The following PPFIA3 variants were observed in gnomAD, a reference collection of about 807,000 sequenced individuals.
PPFIA3 encodes PPFI scaffold protein A3, also known as liprin-alpha-3.
PPFIA3 carries 26 observed loss-of-function variants against 145.8 expected under a neutral mutation model. The ratio of observed to expected loss-of-function variants is 0.18; its 90% CI spans 0.13 to 0.25. The LOEUF (loss-of-function observed/expected upper bound fraction) is 0.25, where lower values mean the gene tolerates loss of function less well. Ranked by LOEUF, PPFIA3 falls within the 10% of genes least tolerant of loss-of-function variation. The pLI, the probability that PPFIA3 is intolerant of heterozygous loss-of-function variation, is 1.00. For missense variants in PPFIA3, 1,008 were observed against 1,587.8 expected (o/e 0.63, Z 6.21); for synonymous variants, 645 against 661.4 (o/e 0.98, Z 0.38).
intron 5 of PPFIA3, among the ~76,000 whole-genome samples, chr19:49,129,751 C>T (rs994346451): frequency 3.3e-5 from 5 of 152,102 alleles, no homozygotes; most frequent in African/African-American, 4.8e-5. Context: ...GGGGCTAAAG[C>T]GGAAACTTTG....
rs770870764 is a variant in PPFIA3 at position 49,138,311 on chromosome 19, T to G, written c.1960T>G (p.Ser654Ala). Residue 654 changes from serine to alanine, a missense_variant, in exon 16 of 30, where the codon TCC becomes GCC. Physicochemically the swap from Ser to Ala is moderately conservative, Grantham distance 99 (BLOSUM62 1). This residue lies in a region of PPFIA3 where 202 missense variants were observed against 241.8 expected (regional missense o/e 0.84). Coordinates refer to ENST00000334186, the MANE Select transcript of PPFIA3 (RefSeq NM_003660.4). ...DSLGRYRSSC[S>A]LPPSLTTSTL... is the part of the protein sequence containing the mutation. Reference sequence around the variant, plus strand: ...GTTGGGCCGCTACCGCAGCAGCTGCTCCCTGCCCCCCTCCCTCACCACCTC... The same window carrying G: ...GTTGGGCCGCTACCGCAGCAGCTGCGCCCTGCCCCCCTCCCTCACCACCTC... 1 of 1,612,966 alleles carries G rather than the reference T, an allele frequency of 6.2e-7. No individual in the cohort carries two copies. Among genetic ancestry groups the G allele is most frequent in the Non-Finnish European group, 8.5e-7 (1 of 1,179,594 alleles).
At chr19:49,126,560 CTTTTTT>C (rs762895281) in intron 1 of PPFIA3, among the ~76,000 whole-genome samples, 11 of 118,820 alleles carry the variant, frequency 9.3e-5, no homozygotes, top group Non-Finnish European at 1.5e-4. Flanking sequence ...CCTGGCCTTG[CTTTTTT>C]TTTTTTTTTT....
In PPFIA3 at chr19:49,150,325, G is replaced by A; in HGVS notation, c.*103G>A. ...GGCCTCGCCGGGGAGAGCGGGCGGG[G>A]GAGCTCGCGCCGAGGACTGGACCAT... On this transcript the variant is annotated 3_prime_UTR_variant, in exon 30 of 30. Coordinates refer to ENST00000334186, the MANE Select transcript of PPFIA3 (RefSeq NM_003660.4). 1 of 665,052 alleles carries A rather than the reference G, an allele frequency of 1.5e-6. No homozygotes were observed. Among genetic ancestry groups the A allele is most frequent in the Non-Finnish European group, 2.5e-6 (1 of 399,856 alleles). 41.2% of individuals were successfully genotyped at this position (665,052 alleles called of 1,614,324 possible).
chr19:49,134,196 G>T, intron 11 of PPFIA3, 31 bp downstream of exon 11: 1 of 1,562,812 alleles, frequency 6.4e-7, no homozygotes, highest in South Asian at 1.2e-5. Context: ...TGCGGGACGC[G>T]GAATTCCGGG....
At chr19:49,127,383 T>TAAAAAA (rs34030131) in intron 1 of PPFIA3, among the ~76,000 whole-genome samples, 2 of 28,598 alleles carry the variant, frequency 7.0e-5, no homozygotes, top group Admixed American at 4.6e-4. Flanking sequence ...TCACTCCAGC[T>TAAAAAA]AAAAAAAAAA....
At chr19:49,121,786 TTTTATTTATTTA>T (rs577943380) in intron 1 of PPFIA3, among the ~76,000 whole-genome samples, 1 of 151,576 alleles carries the variant, frequency 6.6e-6, no homozygotes, top group Non-Finnish European at 1.5e-5. Flanking sequence ...CAAAAAAAAA[TTTTATTTATTTA>T]TTTATTTATT....
chr19:49,141,085 G>C (rs1412880903), intron 18 of PPFIA3, among the ~76,000 whole-genome samples: 1 of 152,164 alleles, frequency 6.6e-6, no homozygotes, highest in African/African-American at 2.4e-5. Context: ...CACACTGGTA[G>C]CTTGAAATTG....
rs368414645 is a variant in PPFIA3 at position 49,138,197 on chromosome 19, C to A, written c.1854-8C>A. The stretch of plus-strand genomic sequence containing the variant: ...CCCTCACCCAGTTTCCCCTATTTCC[C>A]TCCTCAGGCTGATCCAAGAGGAGAA... On this transcript the variant is annotated splice_region_variant and splice_polypyrimidine_tract_variant and intron_variant, in intron 15 of 29. Coordinates refer to ENST00000334186, the MANE Select transcript of PPFIA3 (RefSeq NM_003660.4). 7 of 1,569,480 alleles carry A rather than the reference C, an allele frequency of 4.5e-6. No individual in the cohort carries two copies. In the African/African-American group the frequency reaches 6.8e-5, roughly 15 times the overall value.
intron 7 of PPFIA3, among the ~76,000 whole-genome samples, chr19:49,131,438 GC>G (rs2041071586): frequency 1.3e-5 from 2 of 149,544 alleles, no homozygotes; most frequent in Non-Finnish European, 3.0e-5. Flanking sequence ...GCTCGCCTCG[GC>G]CCAAAGTGCT....
At position 49,146,052 on chromosome 19, in the gene PPFIA3, T is replaced by TGGG. The variant is rs748429516; in HGVS notation, c.2808+50_2808+52dup. On this transcript the variant is annotated intron_variant, in intron 22 of 29. Coordinates refer to ENST00000334186, the MANE Select transcript of PPFIA3 (RefSeq NM_003660.4). ...CCTTGGGGGTGGCACTAACCTTCTT[T>TGGG]GGGGGTGGGGGCGGGGACCGAGTCT... is the stretch of plus-strand genomic sequence containing the variant. The TGGG allele has an allele frequency of 3.8e-6, 6 of 1,586,272 alleles. No individual in the cohort carries two copies. In the African/African-American group the frequency reaches 8.3e-5, roughly 22 times the overall value.
At chr19:49,129,606 C>T in intron 5 of PPFIA3, 152 bp downstream of exon 5, 1 of 812,482 alleles carries the variant, frequency 1.2e-6, no homozygotes, top group South Asian at 1.7e-5. Context: ...GGAGAGAAAC[C>T]AGTGGGGTTC....
In PPFIA3 at chr19:49,137,116, C is replaced by A. The variant is rs546618736; in HGVS notation, c.1853+205C>A. The A allele has an allele frequency of 3.2e-4, 143 of 443,374 alleles. 1 individual carries two copies. The highest frequency in any genetic ancestry group is 2.7e-3 in the African/African-American group (138 of 50,412). The allele number at this position is 443,374 out of a possible 1,614,324, so 27.5% of individuals were successfully genotyped here. ...TATGTGCTACCTACACATATACCCC[C>A]CAGCCAGTACTCACCATTCCCCAAC... On this transcript the variant is annotated intron_variant, in intron 15 of 29. Coordinates refer to ENST00000334186, the MANE Select transcript of PPFIA3 (RefSeq NM_003660.4).
chr19:49,127,596 T>TAAA (rs200973890), intron 1 of PPFIA3, among the ~76,000 whole-genome samples: 2 of 148,370 alleles, frequency 1.3e-5, no homozygotes, highest in South Asian at 4.3e-4. Context: ...GAGACCCTGT[T>TAAA]AAAAAAAAAT....
Position 49,133,650 on chromosome 19 carries a change from G to T in PPFIA3, c.1162-146G>T. The stretch of plus-strand genomic sequence containing the variant: ...CAGGTCCTGAAAAAGTGGACTAGGC[G>T]CAGGGGCGGGGCCTGACTCAAAGGT... On this transcript the variant is annotated intron_variant, in intron 9 of 29. Transcript: ENST00000334186. The surrounding 1 kb of genome is among the most constrained non-coding windows in gnomAD (Gnocchi z 7.2). The T allele has an allele frequency of 1.1e-6, 1 of 949,280 alleles. No homozygotes were observed. Among genetic ancestry groups the T allele is most frequent in the East Asian group, 2.6e-5 (1 of 38,254 alleles). The allele number at this position is 949,280 out of a possible 1,614,324, so 58.8% of individuals were successfully genotyped here. A position where few individuals can be genotyped will look rare whatever the true frequency, so the allele number is the denominator to read the frequency against.
In PPFIA3 at chr19:49,120,074, G is replaced by T. The variant is rs2040916551; in HGVS notation, c.-16+352G>T. On this transcript the variant is annotated intron_variant, in intron 1 of 29. Transcript: ENST00000334186. This position sits in a 1 kb window ranked among gnomAD's most constrained non-coding sequence, Gnocchi z 4.6. ...GGTGCCAGACTCCCCAGACGCGTCC[G>T]CATCGTCCCCGCTTCGCGCACTCCG... Among the ~76,000 whole-genome samples, 1 of 151,976 alleles carries T rather than the reference G, an allele frequency of 6.6e-6. No individual in the cohort carries two copies. Among genetic ancestry groups the T allele is most frequent in the Non-Finnish European group, 1.5e-5 (1 of 67,962 alleles).
chr19:49,141,623 T>G, intron 19 of PPFIA3, 110 bp downstream of exon 19: 1 of 760,682 alleles, frequency 1.3e-6, no homozygotes, highest in Non-Finnish European at 2.1e-6. Flanking sequence ...TGTGAGAGGG[T>G]GTGTGAGTGT....
At chr19:49,138,080 G>A (rs185567914) in intron 15 of PPFIA3, 125 bp from the exon 16 acceptor site, 18 of 1,386,552 alleles carry the variant, frequency 1.3e-5, no homozygotes, top group Middle Eastern at 2.6e-4. Flanking sequence ...GTCCTCTGAC[G>A]TCATTGCACC....
At chr19:49,141,988 G>T (rs996627265) in intron 19 of PPFIA3, 46 bp from the exon 20 acceptor site, 3 of 1,484,294 alleles carry the variant, frequency 2.0e-6, no homozygotes, top group Non-Finnish European at 1.8e-6. Flanking sequence ...AGAGCAGGGG[G>T]TCTCCATCCC....
chr19:49,149,025 G>A lies in PPFIA3; in HGVS notation c.3142G>A (p.Gly1048Ser). ...VMVWSNERVM[G>S]WVSGLGLKEF... The stretch of plus-strand genomic sequence containing the variant: ...GGTGTGGTCCAATGAGCGGGTCATG[G>A]GTTGGGTGTCCGGGCTGGGCCTGAA... Residue 1048 changes from glycine to serine, a missense_variant, in exon 26 of 30, where the codon GGT becomes AGT. By Grantham distance (56) the Gly-to-Ser change is moderately conservative. Around this residue, in one of 11 missense-constraint regions of PPFIA3, gnomAD observed 154 missense variants for 369.2 expected, o/e 0.42. Transcript: ENST00000334186. This position sits in a 1 kb window ranked among gnomAD's most constrained non-coding sequence, Gnocchi z 5.7. 1 of 1,614,160 alleles carries A rather than the reference G, an allele frequency of 6.2e-7. No homozygotes were observed. Among genetic ancestry groups the A allele is most frequent in the Non-Finnish European group, 8.5e-7 (1 of 1,180,036 alleles).
Sources: gnomAD v4.1 joint callset for allele counts (sites outside exome capture counted in the v4.1 genomes callset) on GRCh38, gnomAD v4.1.1 for gene constraint, gnomAD v4.1.1 regional missense constraint, Gnocchi (gnomAD v3.1) non-coding constraint, MANE v1.5 for transcripts, NCBI Gene and HGNC (gene_info 2026-07-23, HGNC 2026-07-21) for gene names.